STMND1: variants seen among roughly 807,000 people sequenced by gnomAD.
STMND1 encodes the protein stathmin domain-containing protein 1.
STMND1 carries 17 observed loss-of-function variants against 23.0 expected under a neutral mutation model. That is an observed-to-expected ratio of 0.74 (90% CI 0.51 to 1.11). The LOEUF (loss-of-function observed/expected upper bound fraction) is 1.11. Among genes scored for constraint, STMND1 ranks in the 50% least tolerant of loss-of-function variants. The pLI is 0.00. For missense variants in STMND1, 305 were observed against 329.1 expected, an observed-to-expected ratio of 0.93 and a Z score of 0.57; for synonymous variants, 114 against 119.9, an observed-to-expected ratio of 0.95 and a Z score of 0.32.
At chr6:17,117,806 G>A (rs1222488566) in intron 2 of STMND1, among the ~76,000 whole-genome samples, 3 of 147,794 alleles carry the variant, frequency 2.0e-5, no homozygotes, top group South Asian at 4.3e-4. Context: ...TCAGCCTCTC[G>A]ACTAGCTGGG....
At chr6:17,127,419 A>G (rs1408309524) in intron 3 of STMND1, among the ~76,000 whole-genome samples, 1 of 152,098 alleles carries the variant, frequency 6.6e-6, no homozygotes, top group Non-Finnish European at 1.5e-5. Flanking sequence ...GCGTGGTGGC[A>G]CACACCTGTA....
At chr6:17,107,419 T>C (rs1183478552) in intron 1 of STMND1, among the ~76,000 whole-genome samples, 1 of 150,432 alleles carries the variant, frequency 6.6e-6, no homozygotes, top group Non-Finnish European at 1.5e-5. Context: ...GATAAAAAAA[T>C]TTATCCCCAA....
chr6:17,102,880 G>A (rs1049392595), intron 1 of STMND1, among the ~76,000 whole-genome samples: 3 of 152,174 alleles, frequency 2.0e-5, no homozygotes, highest in African/African-American at 7.2e-5. Flanking sequence ...CGACTTGTCC[G>A]AGGCTGCACA....
In STMND1 at chr6:17,120,607, A is replaced by T. The variant is rs1014010539; in HGVS notation, c.260A>T (p.Asp87Val). ...PSERNRRVNSDLVTNGLINKP... is the reference protein window; with the variant it reads ...PSERNRRVNSVLVTNGLINKP... ...TTTTTCTTTTCTTCTTTTTTGGAAG[A>T]CCTAGTGACCAATGGATTAATCAAT... Residue 87 changes from aspartate (D) to valine (V), a missense_variant and splice_region_variant, in exon 3 of 5, where the codon GAC becomes GTC. Coordinates refer to ENST00000536551, the MANE Select transcript of STMND1 (RefSeq NM_001190766.2). 1.4e-6 allele frequency: 2 copies of T among 1,473,422 alleles called. No homozygotes were observed. Among genetic ancestry groups the T allele is most frequent in the Non-Finnish European group, 1.8e-6 (2 of 1,119,842 alleles). The allele number at this position is 1,473,422 out of a possible 1,614,324, so 91.3% of individuals were successfully genotyped here.
intron 3 of STMND1, among the ~76,000 whole-genome samples, chr6:17,127,348 A>G (rs6911948): frequency 6.6e-6 from 1 of 152,094 alleles, no homozygotes; most frequent in African/African-American, 2.4e-5. Context: ...TCAGGAGTTC[A>G]AGACCAGCCT....
At chr6:17,116,493 G>A (rs1761161658) in intron 2 of STMND1, among the ~76,000 whole-genome samples, 1 of 152,030 alleles carries the variant, frequency 6.6e-6, no homozygotes, top group African/African-American at 2.4e-5. Context: ...AGGCTGGAGT[G>A]CAATGGTGCA....
intron 2 of STMND1, among the ~76,000 whole-genome samples, chr6:17,116,090 A>G (rs778549413): frequency 2.0e-4 from 30 of 152,206 alleles, no homozygotes; most frequent in Non-Finnish European, 3.5e-4. Context: ...AGACAGCAAC[A>G]TGAATGCTAA....
chr6:17,119,069 T>G (rs1392774283), intron 2 of STMND1, among the ~76,000 whole-genome samples: 1 of 152,162 alleles, frequency 6.6e-6, no homozygotes, highest in African/African-American at 2.4e-5. Context: ...CTCTGACCTT[T>G]TCATTGAAAT....
chr6:17,113,634 C>CTT (rs35898545), intron 1 of STMND1, among the ~76,000 whole-genome samples: 36 of 135,570 alleles, frequency 2.7e-4, no homozygotes, highest in African/African-American at 8.8e-4. Context: ...GTCTGCATCA[C>CTT]TTTTTTTTTT....
intron 2 of STMND1, 82 bp from the exon 3 acceptor site, chr6:17,120,525 G>C: frequency 9.2e-7 from 1 of 1,086,850 alleles, no homozygotes; most frequent in Non-Finnish European, 1.3e-6. Context: ...GCATGGTTTA[G>C]AAGGCATCCG....
At chr6:17,110,676 G>T (rs1761085413) in intron 1 of STMND1, 1 of 378,096 alleles carries the variant, frequency 2.6e-6, no homozygotes, top group Non-Finnish European at 5.2e-6. Flanking sequence ...GCTGAGGCAG[G>T]AGAATCACTT....
chr6:17,114,819 G>T, intron 1 of STMND1, 143 bp from the exon 2 acceptor site: 2 of 844,810 alleles, frequency 2.4e-6, no homozygotes, highest in Non-Finnish European at 3.4e-6. Context: ...CCAGGGGGTT[G>T]GGGACCCCGA....
At chr6:17,115,691 C>T (rs945633443) in intron 2 of STMND1, among the ~76,000 whole-genome samples, 3 of 152,122 alleles carry the variant, frequency 2.0e-5, no homozygotes, top group African/African-American at 7.2e-5. Flanking sequence ...CTTGAGTTAC[C>T]GCCTGGTGTC....
intron 4 of STMND1, 107 bp from the exon 5 acceptor site, chr6:17,130,487 C>T: frequency 1.1e-6 from 1 of 877,030 alleles, no homozygotes; most frequent in Non-Finnish European, 1.7e-6. Context: ...TGTTATTTGA[C>T]TGAATGATGA....
At chr6:17,104,627 TC>T (rs1348281639) in intron 1 of STMND1, among the ~76,000 whole-genome samples, 1 of 152,184 alleles carries the variant, frequency 6.6e-6, no homozygotes, top group East Asian at 1.9e-4. Flanking sequence ...TCTCCCTGGA[TC>T]CTTTTTCTAC....
chr6:17,128,467 TAC>T (rs1223337107), intron 3 of STMND1: 3 of 152,278 alleles, frequency 2.0e-5, no homozygotes, highest in African/African-American at 7.2e-5. Context: ...CACCTTAAAC[TAC>T]AAATTCACCC....
chr6:17,111,825 A>C (rs528867207), intron 1 of STMND1, among the ~76,000 whole-genome samples: 3 of 152,326 alleles, frequency 2.0e-5, no homozygotes, highest in South Asian at 4.1e-4. Flanking sequence ...AGATCAAGGC[A>C]ATGGAAGGTT....
intron 1 of STMND1, among the ~76,000 whole-genome samples, chr6:17,113,187 T>C (rs948913107): frequency 6.6e-6 from 1 of 152,242 alleles, no homozygotes; most frequent in Non-Finnish European, 1.5e-5. Flanking sequence ...CAATCAACGT[T>C]CTACCAGAGG....
chr6:17,118,649 G>A (rs1039945648), intron 2 of STMND1, among the ~76,000 whole-genome samples: 5 of 152,168 alleles, frequency 3.3e-5, no homozygotes, highest in South Asian at 4.1e-4. Context: ...TTATGTTAGC[G>A]ACAGATGTCA....
Sources: gnomAD v4.1 joint callset for allele counts (sites outside exome capture counted in the v4.1 genomes callset) on GRCh38, gnomAD v4.1.1 for gene constraint, MANE v1.5 for transcripts, NCBI Gene and HGNC (gene_info 2026-07-23, HGNC 2026-07-21) for gene names.